Variants in ZBTB49 observed in about 807,000 individuals in gnomAD.
ZBTB49 encodes the protein zinc finger and BTB domain-containing protein 49.
In ZBTB49, 43 loss-of-function variants were observed where a neutral mutation model predicts 57.5. That is an observed-to-expected ratio of 0.75 (90% CI 0.59 to 0.97). The LOEUF (loss-of-function observed/expected upper bound fraction) is 0.97, where lower values mean the gene tolerates loss of function less well. Ranked by LOEUF, ZBTB49 falls within the 50% of genes least tolerant of loss-of-function variation. The probability of loss-of-function intolerance (pLI) is 0.00; values close to 1 mark genes in which losing one functional copy is unlikely to be tolerated. For synonymous variants in ZBTB49, 369 were observed against 362.1 expected, an observed-to-expected ratio of 1.02 and a Z score of -0.22; for missense variants, 938 against 947.7, an observed-to-expected ratio of 0.99 and a Z score of 0.13.
chr4:4,307,811 A>G (rs1046601655), intron 4 of ZBTB49, among the ~76,000 whole-genome samples: 3 of 152,190 alleles, frequency 2.0e-5, no homozygotes, highest in African/African-American at 7.2e-5. Context: ...TAAAATAGGG[A>G]TAATACTACT....
chr4:4,313,930 T>C (rs1416336539), intron 5 of ZBTB49, among the ~76,000 whole-genome samples: 2 of 152,218 alleles, frequency 1.3e-5, no homozygotes, highest in African/African-American at 4.8e-5. Context: ...TGCCAAGTGC[T>C]ATATGGGTCC....
Position 4,302,364 on chromosome 4 carries a change from T to TG in ZBTB49, c.529dup (p.Ala177GlyfsTer6). ...AAACGTTGGATGAATCGCATCCGCA[T>TG]GCTTCACCATCAGTTAATCGTCATC... On this transcript the variant is annotated frameshift_variant, in exon 3 of 8. Coordinates refer to ENST00000337872, the MANE Select transcript of ZBTB49 (RefSeq NM_145291.4). LOFTEE classifies it high-confidence loss of function. 1 of 1,614,264 alleles carries TG rather than the reference T, an allele frequency of 6.2e-7. No individual in the cohort carries two copies. The highest frequency in any genetic ancestry group is 8.5e-7 in the Non-Finnish European group (1 of 1,180,042).
intron 1 of ZBTB49, among the ~76,000 whole-genome samples, chr4:4,290,627 C>T (rs575108485): frequency 1.2e-4 from 18 of 152,366 alleles, no homozygotes; most frequent in African/African-American, 4.1e-4. Flanking sequence ...GTGCAGCTTC[C>T]TCGGCCTGGA....
chr4:4,317,064 A>G (rs905182617), intron 7 of ZBTB49, among the ~76,000 whole-genome samples: 6 of 152,240 alleles, frequency 3.9e-5, no homozygotes, highest in Non-Finnish European at 8.8e-5. Flanking sequence ...TCACTAATTT[A>G]AAATGTCAGT....
intron 1 of ZBTB49, 112 bp from the exon 2 acceptor site, chr4:4,299,815 G>GAC: frequency 5.8e-6 from 5 of 861,616 alleles, no homozygotes; most frequent in Middle Eastern, 3.4e-4. Context: ...GTGTGTGAGA[G>GAC]AGAAACTGTG....
intron 3 of ZBTB49, among the ~76,000 whole-genome samples, chr4:4,304,008 A>G (rs1720629369): frequency 6.6e-6 from 1 of 152,056 alleles, no homozygotes; most frequent in East Asian, 1.9e-4. Flanking sequence ...ATGGATTCAC[A>G]GTTTGCATTT....
intron 1 of ZBTB49, among the ~76,000 whole-genome samples, chr4:4,291,546 T>TA (rs1318485705): frequency 6.6e-6 from 1 of 152,116 alleles, no homozygotes; most frequent in East Asian, 1.9e-4. Flanking sequence ...AGGAGGGAAA[T>TA]ACTTTCCAAC....
At chr4:4,299,455 T>G (rs1213679118) in intron 1 of ZBTB49, among the ~76,000 whole-genome samples, 1 of 152,172 alleles carries the variant, frequency 6.6e-6, no homozygotes, top group Non-Finnish European at 1.5e-5. Flanking sequence ...AAATATGGAT[T>G]TGATCTTAAC....
chr4:4,313,089 T>C lies in ZBTB49; in HGVS notation c.1351T>C (p.Tyr451His). Residue 451 changes from tyrosine to histidine, a missense_variant, in exon 5 of 8, where the codon TAC (tyrosine) becomes CAC (histidine). This residue lies in a region of ZBTB49 where 835 missense variants were observed against 819.1 expected (regional missense o/e 1.02). Transcript: ENST00000337872. ...HLRRHSGEKP[Y>H]ICEICGKRFA... is the part of the protein sequence containing the mutation. ...ACGACGGCATTCTGGTGAAAAACCA[T>C]ACATCTGCGAGATCTGTGGAAAGAG... is the stretch of plus-strand genomic sequence containing the variant. 2 of 1,614,196 alleles carry C rather than the reference T, an allele frequency of 1.2e-6. No individual in the cohort carries two copies. Among genetic ancestry groups the C allele is most frequent in the Non-Finnish European group, 1.7e-6 (2 of 1,180,048 alleles).
chr4:4,317,839 G>C (rs1443362846), intron 7 of ZBTB49, among the ~76,000 whole-genome samples: 1 of 152,094 alleles, frequency 6.6e-6, no homozygotes, highest in East Asian at 1.9e-4. Flanking sequence ...CGCTTTCCGA[G>C]ATGCAGGCCT....
rs745684881 is a variant in ZBTB49, at chr4:4,302,643, C to G, written c.807C>G (p.Pro269=). The G allele has an allele frequency of 5.0e-6, 8 of 1,610,924 alleles. No individual in the cohort carries two copies. In the South Asian group the frequency reaches 8.8e-5, roughly 18 times the overall value. The part of the protein sequence containing the change: ...VSHSECILES[P]EHLPSNFLAQ... ...ATTCTGAATGCATCCTGGAGTCTCCCGAGCACTTACCTTCCAACTTCCTGG... is the reference window on the plus strand; with the variant it reads ...ATTCTGAATGCATCCTGGAGTCTCCGGAGCACTTACCTTCCAACTTCCTGG... Residue 269 remains proline (P), a synonymous_variant, in exon 3 of 8, where the codon CCC becomes CCG. Coordinates refer to ENST00000337872, the MANE Select transcript of ZBTB49 (RefSeq NM_145291.4).
intron 3 of ZBTB49, among the ~76,000 whole-genome samples, chr4:4,303,374 G>A (rs1053391223): frequency 5.3e-5 from 8 of 152,148 alleles, no homozygotes; most frequent in Non-Finnish European, 1.2e-4. Context: ...TCTAAAGAAA[G>A]TATAGTAATT....
chr4:4,308,347 G>A (rs920728075), intron 4 of ZBTB49, among the ~76,000 whole-genome samples: 4 of 152,132 alleles, frequency 2.6e-5, no homozygotes, highest in Admixed American at 2.6e-4. Context: ...AAAGTGCTGG[G>A]ATTACAGGCG....
At chr4:4,303,131 A>T (rs1461783438) in intron 3 of ZBTB49, 40 bp downstream of exon 3, 1 of 1,523,092 alleles carries the variant, frequency 6.6e-7, no homozygotes, top group Non-Finnish European at 8.8e-7. Flanking sequence ...GGAAGGACGT[A>T]ATGCGGATGC....
intron 7 of ZBTB49, among the ~76,000 whole-genome samples, chr4:4,318,663 A>G (rs937242245): frequency 6.6e-6 from 1 of 152,222 alleles, no homozygotes; most frequent in African/African-American, 2.4e-5. Flanking sequence ...AGCAGCAAAC[A>G]GTTGGAAGCA....
intron 5 of ZBTB49, among the ~76,000 whole-genome samples, chr4:4,313,831 C>T (rs572296677): frequency 6.6e-5 from 10 of 152,300 alleles, no homozygotes; most frequent in African/African-American, 1.2e-4. Flanking sequence ...ATGCCAGTCA[C>T]GAAGCTCTGT....
chr4:4,300,193 A>C (rs1720415002), intron 2 of ZBTB49, 96 bp downstream of exon 2: 1 of 1,348,352 alleles, frequency 7.4e-7, no homozygotes, highest in Non-Finnish European at 1.0e-6. Flanking sequence ...GGATTTCACT[A>C]TCTTTATCTT....
chr4:4,320,677 T>C lies in ZBTB49; in HGVS notation c.1659T>C (p.His553=), dbSNP rs76940018. 1.3e-4 allele frequency: 204 copies of C among 1,614,192 alleles called. No homozygotes were observed. In the East Asian group the frequency reaches 4.5e-3, roughly 35 times the overall value. The change falls in exon 8 of 8, where the codon CAT becomes CAC. Residue 553 remains histidine, a synonymous_variant. Coordinates refer to ENST00000337872, the MANE Select transcript of ZBTB49 (RefSeq NM_145291.4). ...CFGGSGDLRR[H]VRTHTGEKPY... ...GGGGATCAGGTGACCTCCGCAGGCA[T>C]GTCCGCACTCACACTGGGGAGAAGC...
intron 4 of ZBTB49, among the ~76,000 whole-genome samples, chr4:4,310,805 C>A: frequency 6.6e-6 from 1 of 152,080 alleles, no homozygotes; most frequent in South Asian, 2.1e-4. Context: ...GGGCATGAGC[C>A]ACTGCGCCCG....
Sources: gnomAD v4.1 joint callset for allele counts (sites outside exome capture counted in the v4.1 genomes callset) on GRCh38, gnomAD v4.1.1 for gene constraint, gnomAD v4.1.1 regional missense constraint, MANE v1.5 for transcripts, NCBI Gene and HGNC (gene_info 2026-07-23, HGNC 2026-07-21) for gene names.